SMO: variants seen among roughly 807,000 people sequenced by gnomAD.
SMO encodes smoothened, frizzled class receptor.
Under a neutral mutation model 81.6 loss-of-function variants are expected in SMO, and 40 were observed. The ratio of observed to expected loss-of-function variants is 0.49; its 90% CI spans 0.38 to 0.64. The LOEUF is 0.64. SMO is among the 30% of genes least tolerant of loss of function. The pLI is 0.00. For missense variants in SMO, 916 were observed against 1,061.1 expected, an observed-to-expected ratio of 0.86 and a Z score of 1.90; for synonymous variants, 434 against 432.1, an observed-to-expected ratio of 1.00 and a Z score of -0.05.
chr7:129,196,966 C>T (rs1478342710), intron 1 of SMO, among the ~76,000 whole-genome samples: 1 of 134,674 alleles, frequency 7.4e-6, no homozygotes, highest in African/African-American at 2.8e-5. Flanking sequence ...GCAATGAGCC[C>T]AGATTGTGCC....
rs764495218 is a variant in SMO at position 129,205,742 on chromosome 7, G to A, written c.880G>A (p.Val294Ile). 5.0e-6 allele frequency: 8 copies of A among 1,610,100 alleles called. No individual in the cohort carries two copies. Among genetic ancestry groups the A allele is most frequent in the African/African-American group, 2.7e-5 (2 of 74,932 alleles). The part of the protein sequence containing the change: ...QFMDGARREI[V>I]CRADGTMRLG... ...CATGGATGGTGCCCGCCGAGAGATC[G>A]TCTGCCGTGCAGATGGCACCATGAG... The change falls in exon 4 of 12, where the codon GTC (valine) becomes ATC (isoleucine). Residue 294 changes from valine to isoleucine, a missense_variant. By Grantham distance (29) the Val-to-Ile change is conservative. Transcript: ENST00000249373.
In SMO at chr7:129,212,168, C is replaced by T; in HGVS notation, c.2081C>T (p.Pro694Leu). The change falls in exon 12 of 12, where the codon CCT becomes CTT. Residue 694 changes from proline (P) to leucine (L), a missense_variant. Pro to Leu is a moderately conservative substitution (Grantham distance 98). This residue lies in a region of SMO where 324 missense variants were observed against 312.9 expected (regional missense o/e 1.04). Transcript: ENST00000249373. The surrounding 1 kb of genome is among the most constrained non-coding windows in gnomAD (Gnocchi z 5.0). ...GCGCCGCCCCCTGAGCTTCACCCCCCTGCCCCTGCCCCCAGTACCATTCCT... is the reference window on the plus strand; with the variant it reads ...GCGCCGCCCCCTGAGCTTCACCCCCTTGCCCCTGCCCCCAGTACCATTCCT... ...PLAPPPELHP[P>L]APAPSTIPRL... 2.6e-6 allele frequency: 4 copies of T among 1,555,194 alleles called. No individual in the cohort carries two copies. Among genetic ancestry groups the T allele is most frequent in the Non-Finnish European group, 2.6e-6 (3 of 1,149,144 alleles).
chr7:129,201,388 T>C lies in SMO; in HGVS notation c.332-1996T>C, dbSNP rs1331410919. On this transcript the variant is annotated intron_variant, in intron 1 of 11. Coordinates refer to ENST00000249373, the MANE Select transcript of SMO (RefSeq NM_005631.5). ...CTGCCTGATGTTTCTCTAAAGCATT[T>C]TACTCCAGAGAGGTCCCCCCATTTT... Among the ~76,000 whole-genome samples, 4 of 152,134 alleles carry C rather than the reference T, an allele frequency of 2.6e-5. 1 individual carries two copies. The highest frequency in any genetic ancestry group is 6.3e-3 in the Middle Eastern group (2 of 316).
At chr7:129,194,135 T>C (rs1027750840) in intron 1 of SMO, among the ~76,000 whole-genome samples, 3 of 151,736 alleles carry the variant, frequency 2.0e-5, no homozygotes, top group African/African-American at 7.3e-5. Context: ...TGTGTGTATG[T>C]ATACACACAC....
chr7:129,189,173 C>G lies in SMO; in HGVS notation c.22C>G (p.Arg8Gly). 1 of 1,181,102 alleles carries G rather than the reference C, an allele frequency of 8.5e-7. No individual in the cohort carries two copies. Among genetic ancestry groups the G allele is most frequent in the Non-Finnish European group, 1.1e-6 (1 of 946,744 alleles). The allele number at this position is 1,181,102 out of a possible 1,614,324, so 73.2% of individuals were successfully genotyped here. A position where few individuals can be genotyped will look rare whatever the true frequency, so the allele number is the denominator to read the frequency against. The part of the protein sequence containing the change: MAAARPA[R>G]GPELPLLGLL... ...GGCCATGGCCGCTGCCCGCCCAGCG[C>G]GGGGGCCGGAGCTCCCGCTCCTGGG... The change falls in exon 1 of 12, where the codon CGG becomes GGG. Residue 8 changes from arginine (R) to glycine (G), a missense_variant. Physicochemically the swap from Arg to Gly is moderately radical, Grantham distance 125. Coordinates refer to ENST00000249373, the MANE Select transcript of SMO (RefSeq NM_005631.5). This position sits in a 1 kb window ranked among gnomAD's most constrained non-coding sequence, Gnocchi z 4.7.
Position 129,212,510 on chromosome 7 carries a change from T to C in SMO, c.*59T>C, listed in dbSNP as rs1584667124. ...GGAACCAATACCTTCAAGGCTCTTC[T>C]TCCTCACCGAGCATGCTTCCCTAGG... is the stretch of plus-strand genomic sequence containing the variant. On this transcript the variant is annotated 3_prime_UTR_variant, in exon 12 of 12. Transcript: ENST00000249373. The surrounding 1 kb of genome is among the most constrained non-coding windows in gnomAD (Gnocchi z 5.0). The C allele has an allele frequency of 4.7e-6, 7 of 1,490,166 alleles. No homozygotes were observed. In the East Asian group the frequency reaches 1.4e-4, roughly 29 times the overall value. 92.3% of individuals were successfully genotyped at this position (1,490,166 alleles called of 1,614,324 possible). A position where few individuals can be genotyped will look rare whatever the true frequency, so the allele number is the denominator to read the frequency against.
rs1238771157 is a variant in SMO, at chr7:129,208,890, C to T, written c.1357+39C>T. On this transcript the variant is annotated intron_variant, in intron 7 of 11. Transcript: ENST00000249373. The surrounding 1 kb of genome is among the most constrained non-coding windows in gnomAD (Gnocchi z 5.2). ...GGGGACTTCGGTCTGAGGTCCTGGC[C>T]AGCCCAACACTGCACCCTCCTGGGG... The T allele has an allele frequency of 1.5e-6, 2 of 1,373,568 alleles. No individual in the cohort carries two copies. The highest frequency in any genetic ancestry group is 1.0e-6 in the Non-Finnish European group (1 of 965,724). 85.1% of individuals were successfully genotyped at this position (1,373,568 alleles called of 1,614,324 possible).
In SMO at chr7:129,205,458, T is replaced by C. The variant is rs34894139; in HGVS notation, c.747+46T>C. On this transcript the variant is annotated intron_variant, in intron 3 of 11. Transcript: ENST00000249373. ...CCCGGGGGGCCCTCAGCCTGGAACGTGGGAAGAGAGCCAGAGGGAAGGGGG... is the reference window on the plus strand; with the variant it reads ...CCCGGGGGGCCCTCAGCCTGGAACGCGGGAAGAGAGCCAGAGGGAAGGGGG... The C allele has an allele frequency of 0.033, 52,062 of 1,582,862 alleles. 1,132 individuals carry two copies. The highest frequency in any genetic ancestry group is 0.099 in the Admixed American group (5,739 of 57,854).
chr7:129,205,730 C>T lies in SMO; in HGVS notation c.868C>T (p.Arg290Cys), dbSNP rs1156577972. ...GCTGGCCCAGTTCATGGATGGTGCCCGCCGAGAGATCGTCTGCCGTGCAGA... is the reference window on the plus strand; with the variant it reads ...GCTGGCCCAGTTCATGGATGGTGCCTGCCGAGAGATCGTCTGCCGTGCAGA... ...GWLAQFMDGA[R>C]REIVCRADGT... Residue 290 changes from arginine to cysteine, a missense_variant, in exon 4 of 12, where the codon CGC becomes TGC. By Grantham distance (180) the Arg-to-Cys change is radical. Transcript: ENST00000249373. 8 of 1,611,400 alleles carry T rather than the reference C, an allele frequency of 5.0e-6. No individual in the cohort carries two copies. The highest frequency in any genetic ancestry group is 5.9e-6 in the Non-Finnish European group (7 of 1,180,012).
Position 129,205,337 on chromosome 7 carries a change from G to T in SMO, c.672G>T (p.Glu224Asp), listed in dbSNP as rs148484943. The change falls in exon 3 of 12, where the codon GAG (glutamate) becomes GAT (aspartate). Residue 224 changes from glutamate (E) to aspartate (D), a missense_variant. Coordinates refer to ENST00000249373, the MANE Select transcript of SMO (RefSeq NM_005631.5). ...GIQCQNPLFT[E>D]AEHQDMHSYI... The stretch of plus-strand genomic sequence containing the variant: ...AGTGCCAGAACCCGCTCTTCACAGA[G>T]GCTGAGCACCAGGACATGCACAGCT... 7.7e-5 allele frequency: 125 copies of T among 1,614,086 alleles called. No individual in the cohort carries two copies. In the African/African-American group the frequency reaches 1.2e-3, roughly 15 times the overall value.
In SMO at chr7:129,211,285, GGGGGCTCTCCCCTCTCT is replaced by G; in HGVS notation, c.1801+174_1801+190del. On this transcript the variant is annotated intron_variant, in intron 10 of 11. Transcript: ENST00000249373. The surrounding 1 kb of genome is among the most constrained non-coding windows in gnomAD (Gnocchi z 4.6). The stretch of plus-strand genomic sequence containing the variant: ...TTCCCCCGGCCCCTCCTACCCTCTG[GGGGGCTCTCCCCTCTCT>G]GTTTCTGCCCCTGGGTCTGCTTGCC... 1 of 795,280 alleles carries G rather than the reference GGGGGCTCTCCCCTCTCT, an allele frequency of 1.3e-6. No individual in the cohort carries two copies. 49.3% of individuals were successfully genotyped at this position (795,280 alleles called of 1,614,324 possible).
In SMO at chr7:129,193,793, T is replaced by A. The variant is rs1267129589; in HGVS notation, c.331+4311T>A. On this transcript the variant is annotated intron_variant, in intron 1 of 11. Transcript: ENST00000249373. ...AAAAAAAAAAAAAAAAAAATATATA[T>A]ATATATATATATATATATATATATG... Among the ~76,000 whole-genome samples, 476 of 68,418 alleles carry A rather than the reference T, an allele frequency of 7.0e-3. 1 individual carries two copies. Among genetic ancestry groups the A allele is most frequent in the East Asian group, 0.012 (21 of 1,730 alleles). 44.9% of individuals were successfully genotyped at this position (68,418 alleles called of 152,430 possible).
At position 129,211,219 on chromosome 7, in the gene SMO, T is replaced by C; in HGVS notation, c.1801+106T>C. 1 of 1,265,600 alleles carries C rather than the reference T, an allele frequency of 7.9e-7. No individual in the cohort carries two copies. The highest frequency in any genetic ancestry group is 2.3e-5 in the East Asian group (1 of 42,618). The allele number at this position is 1,265,600 out of a possible 1,614,324, so 78.4% of individuals were successfully genotyped here. Reference sequence around the variant, plus strand: ...CACAGATTATTTGGAAGACCGACTGTGAGGAGCAAGGCGCTCCCTCCATCG... The same window carrying C: ...CACAGATTATTTGGAAGACCGACTGCGAGGAGCAAGGCGCTCCCTCCATCG... On this transcript the variant is annotated intron_variant, in intron 10 of 11. Coordinates refer to ENST00000249373, the MANE Select transcript of SMO (RefSeq NM_005631.5). The surrounding 1 kb of genome is among the most constrained non-coding windows in gnomAD (Gnocchi z 4.6).
intron 1 of SMO, among the ~76,000 whole-genome samples, chr7:129,199,696 C>A (rs1463380807): frequency 6.6e-6 from 1 of 151,906 alleles, no homozygotes; most frequent in Non-Finnish European, 1.5e-5. Context: ...GTGATTATGC[C>A]ACTGTACTCC....
chr7:129,203,962 TG>T (rs1793716218), intron 2 of SMO, among the ~76,000 whole-genome samples: 1 of 151,904 alleles, frequency 6.6e-6, no homozygotes, highest in African/African-American at 2.4e-5. Context: ...GAGCTAGTTC[TG>T]GGTGGTGCAG....
At chr7:129,190,615 G>A (rs527973290) in intron 1 of SMO, among the ~76,000 whole-genome samples, 1 of 152,244 alleles carries the variant, frequency 6.6e-6, no homozygotes, top group Non-Finnish European at 1.5e-5. Context: ...TCATTGACAA[G>A]TTCTCGGCCT....
intron 1 of SMO, among the ~76,000 whole-genome samples, chr7:129,202,839 C>T (rs1793692658): frequency 1.3e-5 from 2 of 152,152 alleles, no homozygotes; most frequent in African/African-American, 4.8e-5. Context: ...AAGGTAAATC[C>T]ACCCCGGGGA....
In SMO at chr7:129,212,345, C is replaced by T. The variant is rs202241524; in HGVS notation, c.2258C>T (p.Pro753Leu). ...CAGGATCCATTTCTGCCCAGTGCAC[C>T]GGCCCCCGTGGCATGGGCTCATGGC... ...PPQDPFLPSA[P>L]APVAWAHGRR... The change falls in exon 12 of 12, where the codon CCG becomes CTG. Residue 753 changes from proline (P) to leucine (L), a missense_variant. Physicochemically the swap from Pro to Leu is moderately conservative, Grantham distance 98 (BLOSUM62 -3). This residue lies in a region of SMO where 324 missense variants were observed against 312.9 expected (regional missense o/e 1.04). Coordinates refer to ENST00000249373, the MANE Select transcript of SMO (RefSeq NM_005631.5). The surrounding 1 kb of genome is among the most constrained non-coding windows in gnomAD (Gnocchi z 5.0). 4.5e-5 allele frequency: 72 copies of T among 1,614,126 alleles called. No homozygotes were observed. The highest frequency in any genetic ancestry group is 4.2e-5 in the Non-Finnish European group (49 of 1,180,022).
intron 2 of SMO, 103 bp from the exon 3 acceptor site, chr7:129,205,100 T>A: frequency 1.0e-6 from 1 of 961,346 alleles, no homozygotes; most frequent in Non-Finnish European, 1.6e-6. Flanking sequence ...GTCCTGGAAG[T>A]GTATCTCCAG....
Sources: allele counts gnomAD v4.1 joint callset (sites outside exome capture counted in the v4.1 genomes callset), GRCh38; gene constraint gnomAD v4.1.1; regional missense constraint gnomAD v4.1.1; non-coding constraint Gnocchi (gnomAD v3.1); transcripts MANE v1.5; gene names NCBI Gene and HGNC (gene_info 2026-07-23, HGNC 2026-07-21).